Variants in ELP1 observed in about 807,000 individuals in gnomAD.
ELP1 encodes elongator acetyltransferase complex subunit 1, also known as elongator complex protein 1.
A neutral mutation model predicts 183.2 loss-of-function variants in ELP1; 131 were observed. That is an observed-to-expected ratio of 0.72 (90% CI 0.62 to 0.83). ELP1 has a LOEUF of 0.83. Ranked by LOEUF, ELP1 falls within the 40% of genes least tolerant of loss-of-function variation. The pLI is 0.00. For missense variants in ELP1, 1,550 were observed against 1,594.9 expected (o/e 0.97, Z 0.48); for synonymous variants, 555 against 569.0 (o/e 0.98, Z 0.35).
chr9:108,882,581 A>AT (rs1269287231), intron 29 of ELP1, among the ~76,000 whole-genome samples: 6 of 145,470 alleles, frequency 4.1e-5, no homozygotes, highest in African/African-American at 1.3e-4. Context: ...AATCTTCTAA[A>AT]TTTTTTTTTG....
rs57787716 is a variant in ELP1 at position 108,917,758 on chromosome 9, CATGA to C, written c.741-92_741-89del. 145 of 1,341,490 alleles carry C rather than the reference CATGA, an allele frequency of 1.1e-4. No homozygotes were observed. In the South Asian group the frequency reaches 1.2e-3, roughly 11 times the overall value. 83.1% of individuals were successfully genotyped at this position (1,341,490 alleles called of 1,614,324 possible). On this transcript the variant is annotated intron_variant, in intron 8 of 36. Coordinates refer to ENST00000374647, the MANE Select transcript of ELP1 (RefSeq NM_003640.5). ...CCAGAAGAGTTTTTTTTCCAGCAAACATGAATGAATGAATGAACGAATTAATGAA... is the reference window on the plus strand; with the variant it reads ...CCAGAAGAGTTTTTTTTCCAGCAAACATGAATGAATGAACGAATTAATGAA...
Position 108,868,479 on chromosome 9 carries a change from A to G in ELP1, c.*636T>C, listed in dbSNP as rs1827316671. On this transcript the variant is annotated 3_prime_UTR_variant, in exon 37 of 37. Transcript: ENST00000374647. ...CTGTTTAGAAATTCTAATCTGTTCT[A>G]GCTCTAACATTGCTAACTCTCTAGC... The G allele has an allele frequency of 7.9e-6, 3 of 377,996 alleles. No individual in the cohort carries two copies. In the East Asian group the frequency reaches 1.2e-4, roughly 15 times the overall value. The allele number at this position is 377,996 out of a possible 1,614,324, so 23.4% of individuals were successfully genotyped here.
chr9:108,884,288 A>G (rs77941399), intron 29 of ELP1, among the ~76,000 whole-genome samples: 2,838 of 152,300 alleles, frequency 0.019, 44 homozygotes, highest in Non-Finnish European at 0.031. Flanking sequence ...GGTAGAATCA[A>G]AGGAGAAATA....
chr9:108,899,192 C>T (rs946717075), intron 20 of ELP1, among the ~76,000 whole-genome samples: 11 of 151,498 alleles, frequency 7.3e-5, no homozygotes, highest in Admixed American at 4.6e-4. Flanking sequence ...CCTAGCTATG[C>T]GGGAGGCTGA....
chr9:108,903,563 C>T lies in ELP1; in HGVS notation c.1750G>A (p.Glu584Lys), dbSNP rs1828896602. ...GCTTTCCTAACACCTTGATACTCAC[C>T]CCAAAGGTACTTAAATATCTGGCCA... ...ADGQIFKYLW[E>K]SPSLAIKPWK... Residue 584 changes from glutamate to lysine, a missense_variant and splice_region_variant, in exon 15 of 37, where the codon GAG becomes AAG. Glu to Lys is a moderately conservative substitution (Grantham distance 56, BLOSUM62 1). Transcript: ENST00000374647. The T allele has an allele frequency of 6.2e-7, 1 of 1,602,546 alleles. No homozygotes were observed. The highest frequency in any genetic ancestry group is 8.5e-7 in the Non-Finnish European group (1 of 1,169,762).
In ELP1 at chr9:108,876,597, G is replaced by A. The variant is rs564889168; in HGVS notation, c.3855+1398C>T. 3.3e-5 allele frequency among the ~76,000 whole-genome samples: 5 copies of A among 152,070 alleles called. No individual in the cohort carries two copies. In the East Asian group the frequency reaches 9.6e-4, roughly 29 times the overall value. On this transcript the variant is annotated intron_variant, in intron 35 of 36. Coordinates refer to ENST00000374647, the MANE Select transcript of ELP1 (RefSeq NM_003640.5). ...CTTCTATCCACTGCTTGTGGTGCTG[G>A]GGCTGGGCACCTGAAAGATATTCTT...
intron 16 of ELP1, among the ~76,000 whole-genome samples, chr9:108,902,494 C>T (rs55721365): frequency 6.6e-6 from 1 of 152,208 alleles, no homozygotes; most frequent in Non-Finnish European, 1.5e-5. Context: ...TATAGGCATT[C>T]TAGTATGTGT....
chr9:108,902,865 T>C lies in ELP1; in HGVS notation c.1828A>G (p.Thr610Ala), dbSNP rs1434963101. 3 of 1,613,754 alleles carry C rather than the reference T, an allele frequency of 1.9e-6. No homozygotes were observed. The highest frequency in any genetic ancestry group is 2.5e-6 in the Non-Finnish European group (3 of 1,179,814). The change falls in exon 16 of 37, where the codon ACC becomes GCC. Residue 610 changes from threonine to alanine, a missense_variant. Thr to Ala is a moderately conservative substitution (Grantham distance 58). Coordinates refer to ENST00000374647, the MANE Select transcript of ELP1 (RefSeq NM_003640.5). ...PVRFPYPCTQTELAMIGEEEC... is the reference protein window; with the variant it reads ...PVRFPYPCTQAELAMIGEEEC... The stretch of plus-strand genomic sequence containing the variant: ...TCTTCTCCAATCATGGCCAATTCGG[T>C]CTGGGTGCATGGATAAGGAAACCGA...
chr9:108,918,791 A>C lies in ELP1; in HGVS notation c.740+20T>G. 6.3e-7 allele frequency: 1 copy of C among 1,578,720 alleles called. No homozygotes were observed. Among genetic ancestry groups the C allele is most frequent in the Non-Finnish European group, 8.7e-7 (1 of 1,147,726 alleles). On this transcript the variant is annotated intron_variant, in intron 8 of 36. Transcript: ENST00000374647. Reference sequence around the variant, plus strand: ...TACTCTGGTTCCAAGAATTTCTCTAAGGTTTCTTCTCCCACTCACTTCCAA... The same window carrying C: ...TACTCTGGTTCCAAGAATTTCTCTACGGTTTCTTCTCCCACTCACTTCCAA...
At chr9:108,911,534 C>T (rs1404462240) in intron 11 of ELP1, among the ~76,000 whole-genome samples, 2 of 152,188 alleles carry the variant, frequency 1.3e-5, no homozygotes, top group African/African-American at 4.8e-5. Context: ...ATCCTTAAAG[C>T]ACTTTCCTAT....
rs971258024 is a variant in ELP1 at position 108,867,824 on chromosome 9, T to C, written c.*1291A>G. 4.6e-5 allele frequency: 7 copies of C among 152,360 alleles called. No individual in the cohort carries two copies. The highest frequency in any genetic ancestry group is 7.3e-5 in the Non-Finnish European group (5 of 68,036). 9.4% of individuals were successfully genotyped at this position (152,360 alleles called of 1,614,324 possible). ...GAATTTTACAGTGAATACTCCTAGA[T>C]TGATTCTATAGTTAACATCTTGCTA... On this transcript the variant is annotated 3_prime_UTR_variant, in exon 37 of 37. Transcript: ENST00000374647.
In ELP1 at chr9:108,869,026, T is replaced by C. The variant is rs553326807; in HGVS notation, c.*89A>G. 13 of 1,107,590 alleles carry C rather than the reference T, an allele frequency of 1.2e-5. No individual in the cohort carries two copies. The highest frequency in any genetic ancestry group is 3.7e-5 in the South Asian group (3 of 81,022). The allele number at this position is 1,107,590 out of a possible 1,614,324, so 68.6% of individuals were successfully genotyped here. On this transcript the variant is annotated 3_prime_UTR_variant, in exon 37 of 37. Transcript: ENST00000374647. The stretch of plus-strand genomic sequence containing the variant: ...TCATTTTACTCTTTCCAGTTCTCAA[T>C]AGCCAGCCCTCAAAGAGCAAGGGGT...
intron 29 of ELP1, among the ~76,000 whole-genome samples, chr9:108,886,973 C>T (rs1587880198): frequency 8.8e-6 from 1 of 113,304 alleles, no homozygotes; most frequent in East Asian, 2.0e-4. Context: ...CTTTGGGAGG[C>T]TGAGACAGGC....
chr9:108,929,447 G>C (rs1266081385), intron 3 of ELP1, among the ~76,000 whole-genome samples: 1 of 151,436 alleles, frequency 6.6e-6, no homozygotes, highest in Non-Finnish European at 1.5e-5. Flanking sequence ...AACAAAGGTT[G>C]CAACTCAAGA....
At chr9:108,883,932 T>C (rs1001683595) in intron 29 of ELP1, among the ~76,000 whole-genome samples, 7 of 152,098 alleles carry the variant, frequency 4.6e-5, no homozygotes, top group East Asian at 1.9e-4. Context: ...TCTAACTATA[T>C]TGGTAATCAC....
chr9:108,869,431 A>T (rs1192659049), intron 36 of ELP1, among the ~76,000 whole-genome samples: 3 of 152,132 alleles, frequency 2.0e-5, no homozygotes, highest in Admixed American at 1.3e-4. Flanking sequence ...AAAGTGGAAG[A>T]ATGTTCTGTA....
intron 25 of ELP1, among the ~76,000 whole-genome samples, chr9:108,895,393 A>G (rs369755752): frequency 2.0e-5 from 3 of 152,270 alleles, no homozygotes; most frequent in Admixed American, 6.5e-5. Flanking sequence ...CCTTTAACCT[A>G]GATTAGTGAG....
At position 108,929,863 on chromosome 9, in the gene ELP1, C is replaced by T. The variant is rs111936933; in HGVS notation, c.209G>A (p.Arg70His). 8.7e-4 allele frequency: 1,398 copies of T among 1,613,894 alleles called. 9 individuals are homozygous for T. The East Asian group carries it at 0.013, about 15-fold the overall frequency. ...EGFLPEDGSG[R>H]IVGVQDLLDQ... ...CAGCAAGTCCTGAACACCAACAATG[C>T]GGCCACTTCCATCCTCTGGGAGAAA... The change falls in exon 3 of 37, where the codon CGC (arginine) becomes CAC (histidine). Residue 70 changes from arginine to histidine, a missense_variant. By Grantham distance (29) the Arg-to-His change is conservative. Transcript: ENST00000374647.
intron 29 of ELP1, among the ~76,000 whole-genome samples, chr9:108,887,738 T>C (rs1407188497): frequency 1.3e-5 from 2 of 152,186 alleles, no homozygotes; most frequent in African/African-American, 4.8e-5. Context: ...TGTTTTAAGC[T>C]GCCAGCTTTT....
Sources: gnomAD v4.1 joint callset for allele counts (sites outside exome capture counted in the v4.1 genomes callset) on GRCh38, gnomAD v4.1.1 for gene constraint, MANE v1.5 for transcripts, NCBI Gene and HGNC (gene_info 2026-07-23, HGNC 2026-07-21) for gene names.